CSMD1: variants seen among roughly 807,000 people sequenced by gnomAD.
The protein encoded by CSMD1 is CUB and Sushi multiple domains 1, also known as CUB and sushi domain-containing protein 1.
Under a neutral mutation model 417.5 loss-of-function variants are expected in CSMD1, and 213 were observed. The ratio of observed to expected loss-of-function variants is 0.51; its 90% CI spans 0.46 to 0.57. The LOEUF (loss-of-function observed/expected upper bound fraction) is 0.57. CSMD1 is among the 20% of genes least tolerant of loss of function. The pLI is 0.00. For synonymous variants in CSMD1, 2,862 were observed against 1,736.8 expected (o/e 1.65, Z -16.11); for missense variants, 6,923 against 4,529.7 (o/e 1.53, Z -15.17).
At chr8:4,718,340 C>A (rs568182637) in intron 1 of CSMD1, among the ~76,000 whole-genome samples, 1 of 152,082 alleles carries the variant, frequency 6.6e-6, no homozygotes, top group Admixed American at 6.5e-5. Flanking sequence ...AATCAATTAT[C>A]ACTATTGGTA....
intron 6 of CSMD1, among the ~76,000 whole-genome samples, chr8:3,713,885 C>A (rs538961070): frequency 1.2e-3 from 176 of 152,176 alleles, no homozygotes; most frequent in Non-Finnish European, 2.3e-3. Flanking sequence ...CATTAACTTG[C>A]ATGTTTACTG....
intron 1 of CSMD1, among the ~76,000 whole-genome samples, chr8:4,832,529 A>G (rs1375338309): frequency 6.6e-6 from 1 of 152,208 alleles, no homozygotes; most frequent in East Asian, 1.9e-4. Context: ...GAGCTAAAAC[A>G]TGGAGGCATG....
chr8:4,078,045 G>A (rs776231492), intron 3 of CSMD1, among the ~76,000 whole-genome samples: 2 of 152,090 alleles, frequency 1.3e-5, no homozygotes, highest in Non-Finnish European at 2.9e-5. Flanking sequence ...TCCACCAGTA[G>A]GGAGTAGGAA....
chr8:4,010,501 C>G (rs1816461596), intron 4 of CSMD1, among the ~76,000 whole-genome samples: 2 of 152,148 alleles, frequency 1.3e-5, no homozygotes, highest in Admixed American at 6.5e-5. Context: ...CAGCCCAACT[C>G]TACCTCAGCC....
chr8:3,103,029 C>G (rs1020244577), intron 46 of CSMD1, among the ~76,000 whole-genome samples: 1 of 152,148 alleles, frequency 6.6e-6, no homozygotes, highest in South Asian at 2.1e-4. Flanking sequence ...ACTAATCACC[C>G]CAGCACCTGG....
chr8:3,174,478 G>A (rs1251943820), intron 37 of CSMD1, among the ~76,000 whole-genome samples: 1 of 152,152 alleles, frequency 6.6e-6, no homozygotes, highest in African/African-American at 2.4e-5. Context: ...CTGGGCCAGA[G>A]TGAGATTCTG....
intron 2 of CSMD1, among the ~76,000 whole-genome samples, chr8:4,598,691 C>T (rs937738712): frequency 6.6e-6 from 1 of 152,134 alleles, no homozygotes; most frequent in Admixed American, 6.6e-5. Flanking sequence ...CACTCGTTGA[C>T]AATAAGCATT....
intron 3 of CSMD1, among the ~76,000 whole-genome samples, chr8:4,155,920 G>C (rs907944254): frequency 2.0e-5 from 3 of 152,148 alleles, no homozygotes; most frequent in South Asian, 2.1e-4. Flanking sequence ...AGCTTTTGAG[G>C]AATGCACAGC....
intron 3 of CSMD1, among the ~76,000 whole-genome samples, chr8:4,103,242 CTGA>C (rs1563127313): frequency 1.5e-5 from 2 of 130,198 alleles, no homozygotes; most frequent in African/African-American, 5.7e-5. Flanking sequence ...TAAATCTATA[CTGA>C]TGATCAGTGT....
At chr8:4,767,457 A>T (rs181823404) in intron 1 of CSMD1, among the ~76,000 whole-genome samples, 2 of 152,228 alleles carry the variant, frequency 1.3e-5, no homozygotes, top group East Asian at 3.9e-4. Context: ...CACATAGCTC[A>T]CTGGGGCTCT....
chr8:3,516,427 T>C (rs1032448687), intron 10 of CSMD1, among the ~76,000 whole-genome samples: 2 of 152,154 alleles, frequency 1.3e-5, no homozygotes, highest in African/African-American at 2.4e-5. Context: ...GTTTTCAAAA[T>C]CGTCTAGCCA....
chr8:3,701,511 A>AATT (rs59254287), intron 7 of CSMD1, among the ~76,000 whole-genome samples: 40,331 of 149,724 alleles, frequency 0.27, 5,875 homozygotes, highest in East Asian at 0.47. Context: ...ATTAAACCTT[A>AATT]TTTTTTTTTT....
intron 1 of CSMD1, among the ~76,000 whole-genome samples, chr8:4,767,864 C>T (rs984174326): frequency 6.6e-5 from 10 of 152,130 alleles, no homozygotes; most frequent in Non-Finnish European, 1.3e-4. Flanking sequence ...CTGAGTGATG[C>T]TACTAGCTAG....
chr8:3,728,409 G>C (rs1802623317), intron 6 of CSMD1, among the ~76,000 whole-genome samples: 1 of 152,186 alleles, frequency 6.6e-6, no homozygotes, highest in African/African-American at 2.4e-5. Flanking sequence ...TCAGCAGCAT[G>C]AAAACAGACT....
intron 1 of CSMD1, among the ~76,000 whole-genome samples, chr8:4,974,275 C>T (rs1162219647): frequency 1.3e-5 from 2 of 151,882 alleles, no homozygotes; most frequent in Admixed American, 6.6e-5. Flanking sequence ...ATCCACCTGT[C>T]TCCACCTCCC....
At chr8:3,846,840 A>AT (rs1261387998) in intron 5 of CSMD1, among the ~76,000 whole-genome samples, 13 of 151,934 alleles carry the variant, frequency 8.6e-5, no homozygotes, top group African/African-American at 1.9e-4. Flanking sequence ...CGTCTGGCTA[A>AT]TTTTTTGTAT....
At chr8:3,365,624 G>C (rs1440323260) in intron 20 of CSMD1, among the ~76,000 whole-genome samples, 1 of 152,150 alleles carries the variant, frequency 6.6e-6, no homozygotes, top group Non-Finnish European at 1.5e-5. Flanking sequence ...TTAGTAAAAT[G>C]TTAGGTATAT....
intron 3 of CSMD1, among the ~76,000 whole-genome samples, chr8:4,387,414 T>G (rs1028235738): frequency 2.6e-5 from 4 of 151,824 alleles, no homozygotes; most frequent in African/African-American, 9.7e-5. Flanking sequence ...AAGAATTAAG[T>G]AATGACTCAA....
chr8:4,568,672 T>A (rs1393208269), intron 2 of CSMD1, among the ~76,000 whole-genome samples: 1 of 152,188 alleles, frequency 6.6e-6, no homozygotes. Context: ...TATTTCTGGT[T>A]CTAGATCCTT....
Sources: gnomAD v4.1 joint callset for allele counts (sites outside exome capture counted in the v4.1 genomes callset) on GRCh38, gnomAD v4.1.1 for gene constraint, MANE v1.5 for transcripts, NCBI Gene and HGNC (gene_info 2026-07-23, HGNC 2026-07-21) for gene names.